CPB1: variants seen among roughly 807,000 people sequenced by gnomAD.
The protein encoded by CPB1 is carboxypeptidase B.
A neutral mutation model predicts 51.4 loss-of-function variants in CPB1; 53 were observed. The ratio of observed to expected loss-of-function variants is 1.03; its 90% confidence interval spans 0.83 to 1.30. The LOEUF is 1.30. Among genes scored for constraint, CPB1 ranks in the 50% most tolerant of loss-of-function variants. The probability of loss-of-function intolerance (pLI) is 0.00; values close to 1 mark genes in which losing one functional copy is unlikely to be tolerated. For synonymous variants in CPB1, 189 were observed against 186.9 expected (o/e 1.01, Z -0.09); for missense variants, 494 against 516.2 (o/e 0.96, Z 0.42).
chr3:148,841,069 C>T (rs1045699830), intron 5 of CPB1, 94 bp downstream of exon 5: 1 of 1,017,154 alleles, frequency 9.8e-7, no homozygotes, highest in African/African-American at 1.6e-5. Context: ...ACGCTTATCC[C>T]AAACATTGTT....
intron 9 of CPB1, chr3:148,851,780 A>T (rs1400004801): frequency 3.9e-5 from 6 of 152,248 alleles, no homozygotes; most frequent in Non-Finnish European, 8.8e-5. Flanking sequence ...TCCTGTATCG[A>T]GTGTTCTCCT....
At position 148,841,926 on chromosome 3, in the gene CPB1, T is replaced by A; in HGVS notation, c.576+2T>A. 6.2e-7 allele frequency: 1 copy of A among 1,606,550 alleles called. No homozygotes were observed. The highest frequency in any genetic ancestry group is 8.5e-7 in the Non-Finnish European group (1 of 1,173,248). Reference sequence around the variant, plus strand: ...TTCTGCCAGTGGTTTGTAAGAGAGGTCAGTGTGTAGAGTGGTTTTTGGCAA... The same window carrying A: ...TTCTGCCAGTGGTTTGTAAGAGAGGACAGTGTGTAGAGTGGTTTTTGGCAA... On this transcript the variant is annotated splice_donor_variant, in intron 6 of 10. Transcript: ENST00000282957. LOFTEE classifies it high-confidence loss of function.
chr3:148,848,191 T>C (rs529248056), intron 9 of CPB1, among the ~76,000 whole-genome samples: 4 of 152,288 alleles, frequency 2.6e-5, no homozygotes, highest in African/African-American at 7.2e-5. Context: ...AATATATGTA[T>C]AGACAAAAAA....
chr3:148,842,741 C>A lies in CPB1; in HGVS notation c.576+817C>A, dbSNP rs1037903153. Reference sequence around the variant, plus strand: ...TTACAGAGTCTAAAAGTTATCTCCTCGCAAAAAGTATTAATTATAAAGGGA... The same window carrying A: ...TTACAGAGTCTAAAAGTTATCTCCTAGCAAAAAGTATTAATTATAAAGGGA... On this transcript the variant is annotated intron_variant, in intron 6 of 10. Transcript: ENST00000282957. Among the ~76,000 whole-genome samples the A allele has an allele frequency of 3.9e-5, 6 of 151,964 alleles. No homozygotes were observed. The East Asian group carries it at 7.7e-4, about 20-fold the overall frequency.
chr3:148,831,671 T>C (rs1394519524), intron 2 of CPB1, among the ~76,000 whole-genome samples: 1 of 152,170 alleles, frequency 6.6e-6, no homozygotes, highest in Non-Finnish European at 1.5e-5. Flanking sequence ...CATTTAAAGA[T>C]ATCTCTTGAT....
intron 2 of CPB1, among the ~76,000 whole-genome samples, chr3:148,834,279 T>C (rs904995699): frequency 6.6e-6 from 1 of 152,234 alleles, no homozygotes; most frequent in African/African-American, 2.4e-5. Flanking sequence ...TTCATGTTCA[T>C]TGATAATCAA....
chr3:148,836,352 C>T (rs1264378388), intron 3 of CPB1, among the ~76,000 whole-genome samples: 2 of 152,094 alleles, frequency 1.3e-5, no homozygotes, highest in Non-Finnish European at 2.9e-5. Context: ...ACATTTTGCT[C>T]TTTTTATTAT....
intron 9 of CPB1, chr3:148,856,000 G>A (rs1432189442): frequency 6.6e-6 from 1 of 152,144 alleles, no homozygotes; most frequent in Admixed American, 6.5e-5. Flanking sequence ...GTTTCAATTG[G>A]CAGTGGAACC....
rs79971036 is a variant in CPB1 at position 148,829,284 on chromosome 3, G to A, written c.147+1207G>A. 8.4e-3 allele frequency among the ~76,000 whole-genome samples: 1,275 copies of A among 152,118 alleles called. 10 individuals are homozygous for A. The highest frequency in any genetic ancestry group is 0.014 in the Middle Eastern group (4 of 294). On this transcript the variant is annotated intron_variant, in intron 2 of 10. Coordinates refer to ENST00000282957, the MANE Select transcript of CPB1 (RefSeq NM_001871.3). ...GTCTATATTTCTTTTTTTAAATGTA[G>A]TTACCAGAATTGACTATGGACCTCC...
chr3:148,840,784 C>T lies in CPB1; in HGVS notation c.371C>T (p.Thr124Met), dbSNP rs375725355. The T allele has an allele frequency of 4.1e-5, 66 of 1,613,776 alleles. No homozygotes were observed. Among genetic ancestry groups the T allele is most frequent in the Middle Eastern group, 1.6e-4 (1 of 6,084 alleles). Residue 124 changes from threonine (T) to methionine (M), a missense_variant and splice_region_variant, in exon 4 of 11, where the codon ACG becomes ATG. Thr to Met is a moderately conservative substitution (Grantham distance 81). Transcript: ENST00000282957. ...HSYEKYNKWE[T>M]IEAWTQQVAT... Reference sequence around the variant, plus strand: ...TATGAGAAGTACAACAAGTGGGAAACGGTATGATGTGCACATGATTTAGAC... The same window carrying T: ...TATGAGAAGTACAACAAGTGGGAAATGGTATGATGTGCACATGATTTAGAC...
At chr3:148,832,486 G>T (rs146235689) in intron 2 of CPB1, among the ~76,000 whole-genome samples, 1,531 of 152,146 alleles carry the variant, frequency 0.01, 29 homozygotes, top group African/African-American at 0.035. Flanking sequence ...ATTTTATCTG[G>T]GAAGTGCAGG....
At chr3:148,834,777 G>A (rs1189424310) in intron 3 of CPB1, among the ~76,000 whole-genome samples, 155 bp downstream of exon 3, 1 of 152,184 alleles carries the variant, frequency 6.6e-6, no homozygotes, top group African/African-American at 2.4e-5. Context: ...TGGATTCCAA[G>A]TCTTAAGACT....
At chr3:148,836,193 T>A (rs1337286410) in intron 3 of CPB1, among the ~76,000 whole-genome samples, 1 of 152,118 alleles carries the variant, frequency 6.6e-6, no homozygotes, top group Non-Finnish European at 1.5e-5. Context: ...AACTGCTATG[T>A]TTAACCCCAT....
intron 10 of CPB1, 82 bp from the exon 11 acceptor site, chr3:148,859,733 G>C: frequency 7.2e-7 from 1 of 1,379,742 alleles, no homozygotes; most frequent in Non-Finnish European, 9.9e-7. Context: ...TGAAACATTT[G>C]TAATGAAAAA....
At chr3:148,829,468 A>AT (rs921558993) in intron 2 of CPB1, among the ~76,000 whole-genome samples, 8 of 151,974 alleles carry the variant, frequency 5.3e-5, no homozygotes, top group African/African-American at 1.7e-4. Flanking sequence ...CCATTAGGTA[A>AT]TTTTTTTTCC....
intron 3 of CPB1, among the ~76,000 whole-genome samples, chr3:148,835,666 AGG>A: frequency 6.6e-6 from 1 of 152,222 alleles, no homozygotes; most frequent in African/African-American, 2.4e-5. Context: ...TAGATTAGGG[AGG>A]AACAAAGACA....
At position 148,827,866 on chromosome 3, in the gene CPB1, G is replaced by T; in HGVS notation, c.43G>T (p.Ala15Ser). ...LVLVTVALAS[A>S]HHGGEHFEGE... Reference sequence around the variant, plus strand: ...TCTGGTGACTGTGGCCCTGGCATCTGCTCATCATGGTGGTGAGCACTTTGA... The same window carrying T: ...TCTGGTGACTGTGGCCCTGGCATCTTCTCATCATGGTGGTGAGCACTTTGA... The change falls in exon 1 of 11, where the codon GCT becomes TCT. Residue 15 changes from alanine to serine, a missense_variant. Physicochemically the swap from Ala to Ser is moderately conservative, Grantham distance 99. Transcript: ENST00000282957. 2.5e-6 allele frequency: 4 copies of T among 1,614,126 alleles called. No homozygotes were observed. Among genetic ancestry groups the T allele is most frequent in the Non-Finnish European group, 3.4e-6 (4 of 1,180,024 alleles).
In CPB1 at chr3:148,832,755, A is replaced by T. The variant is rs375098040; in HGVS notation, c.148-1743A>T. ...GGTACCGCCTGTCTACCTGGAGCTG[A>T]TAACTTGGCTTTTCCCAGTTCTACA... On this transcript the variant is annotated intron_variant, in intron 2 of 10. Coordinates refer to ENST00000282957, the MANE Select transcript of CPB1 (RefSeq NM_001871.3). 5.3e-5 allele frequency among the ~76,000 whole-genome samples: 8 copies of T among 152,312 alleles called. No homozygotes were observed. In the East Asian group the frequency reaches 1.4e-3, roughly 26 times the overall value.
At chr3:148,857,851 A>G (rs911503963) in intron 10 of CPB1, among the ~76,000 whole-genome samples, 3 of 152,082 alleles carry the variant, frequency 2.0e-5, no homozygotes, top group African/African-American at 7.2e-5. Flanking sequence ...GTGAGCTATA[A>G]TTGCACCATT....
Sources: allele counts gnomAD v4.1 joint callset (sites outside exome capture counted in the v4.1 genomes callset), GRCh38; gene constraint gnomAD v4.1.1; transcripts MANE v1.5; gene names NCBI Gene and HGNC (gene_info 2026-07-23, HGNC 2026-07-21).